CLDN12: variants seen among roughly 807,000 people sequenced by gnomAD.
The protein encoded by CLDN12 is claudin-12.
A neutral mutation model predicts 15.5 loss-of-function variants in CLDN12; 9 were observed. That is an observed-to-expected ratio of 0.58 (90% CI 0.35 to 1.02). CLDN12 has a LOEUF of 1.02. Ranked by LOEUF, CLDN12 falls within the 50% of genes least tolerant of loss-of-function variation. The pLI is 0.02. For missense variants in CLDN12, 233 were observed against 297.3 expected (o/e 0.78, Z 1.59); for synonymous variants, 140 against 121.6 (o/e 1.15, Z -1.00).
In CLDN12 at chr7:90,410,577, T is replaced by C. The variant is rs185772641; in HGVS notation, c.-76-1430T>C. Among the ~76,000 whole-genome samples the C allele has an allele frequency of 2.2e-4, 34 of 152,318 alleles. No individual in the cohort carries two copies. The East Asian group carries it at 5.8e-3, about 26-fold the overall frequency. On this transcript the variant is annotated intron_variant, in intron 2 of 3. Transcript: ENST00000496677. ...AGTTGCTCATGACTATAATCCCAGC[T>C]TGTAATTTCAGCACTTTTGGAGGCC...
chr7:90,404,292 G>C (rs945091843), intron 1 of CLDN12, among the ~76,000 whole-genome samples: 1 of 151,928 alleles, frequency 6.6e-6, no homozygotes, highest in Non-Finnish European at 1.5e-5. Context: ...GAGGGGTTGG[G>C]GGGGACTTGA....
chr7:90,404,528 A>AT (rs569266632), intron 1 of CLDN12, among the ~76,000 whole-genome samples: 27 of 150,176 alleles, frequency 1.8e-4, no homozygotes, highest in South Asian at 4.2e-4. Flanking sequence ...TGGTGGAACT[A>AT]TTTTTTTTTT....
At chr7:90,404,138 AG>A (rs961433849) in intron 1 of CLDN12, among the ~76,000 whole-genome samples, 19 of 152,080 alleles carry the variant, frequency 1.2e-4, no homozygotes, top group Admixed American at 3.9e-4. Context: ...TAGCCACGTT[AG>A]GGAAAGGTCA....
Position 90,414,435 on chromosome 7 carries a change from A to C in CLDN12, c.*1024A>C, listed in dbSNP as rs547044063. 1 of 986,278 alleles carries C rather than the reference A, an allele frequency of 1.0e-6. No homozygotes were observed. The highest frequency in any genetic ancestry group is 1.2e-6 in the Non-Finnish European group (1 of 817,304). The allele number at this position is 986,278 out of a possible 1,614,324, so 61.1% of individuals were successfully genotyped here. On this transcript the variant is annotated 3_prime_UTR_variant, in exon 4 of 4. Transcript: ENST00000496677. The stretch of plus-strand genomic sequence containing the variant: ...TTTCCTTGAGCATATATCTCTGCCT[A>C]ACACTTTAGTAGGTGCTATAGAGGA...
intron 2 of CLDN12, chr7:90,409,226 G>T (rs1796906453): frequency 6.6e-6 from 1 of 152,134 alleles, no homozygotes; most frequent in South Asian, 2.1e-4. Context: ...TTGTTTGTTT[G>T]TTTGTTTGTT....
chr7:90,412,134 G>A (rs973340540), intron 3 of CLDN12, 85 bp downstream of exon 3: 1 of 155,526 alleles, frequency 6.4e-6, no homozygotes, highest in Non-Finnish European at 1.4e-5. Flanking sequence ...CCCCTGTCCT[G>A]TACTGCTTCT....
At chr7:90,404,357 G>A (rs1486002575) in intron 1 of CLDN12, among the ~76,000 whole-genome samples, 2 of 152,058 alleles carry the variant, frequency 1.3e-5, no homozygotes, top group Non-Finnish European at 2.9e-5. Context: ...GATCGTAATA[G>A]GGCTAGTGAT....
rs758236906 is a variant in CLDN12, at chr7:90,412,838, G to A, written c.162G>A (p.Leu54=). The change falls in exon 4 of 4, where the codon CTG becomes CTA. Residue 54 remains leucine (L), a synonymous_variant. Coordinates refer to ENST00000496677, the MANE Select transcript of CLDN12 (RefSeq NM_001185072.3). ...NEKNLTVYTG[L]WVKCARYDGS... ...AGAACCTGACTGTTTACACAGGCCT[G>A]TGGGTGAAATGTGCCCGGTATGACG... is the stretch of plus-strand genomic sequence containing the variant. 5.6e-6 allele frequency: 9 copies of A among 1,614,244 alleles called. No individual in the cohort carries two copies. The highest frequency in any genetic ancestry group is 1.6e-4 in the Middle Eastern group (1 of 6,062).
chr7:90,408,820 A>C (rs1737022648), intron 2 of CLDN12: 1 of 152,226 alleles, frequency 6.6e-6, no homozygotes, highest in Non-Finnish European at 1.5e-5. Flanking sequence ...AATATAGTTA[A>C]AAGCACTTAC....
intron 3 of CLDN12, chr7:90,412,367 TTG>T (rs1491430286): frequency 6.1e-6 from 2 of 329,492 alleles, no homozygotes; most frequent in African/African-American, 4.2e-5. Flanking sequence ...ATTATCTTGG[TTG>T]TTTTTTTAAT....
At chr7:90,410,623 G>A (rs1337945197) in intron 2 of CLDN12, among the ~76,000 whole-genome samples, 1 of 152,084 alleles carries the variant, frequency 6.6e-6, no homozygotes, top group African/African-American at 2.4e-5. Flanking sequence ...GATTGCTTGA[G>A]GCCAGGAGTT....
At chr7:90,404,655 G>C (rs1796797862) in intron 1 of CLDN12, among the ~76,000 whole-genome samples, 1 of 151,976 alleles carries the variant, frequency 6.6e-6, no homozygotes, top group South Asian at 2.1e-4. Context: ...CAAGACAACT[G>C]CACAGTCTTT....
At position 90,414,000 on chromosome 7, in the gene CLDN12, C is replaced by T. The variant is rs1017106; in HGVS notation, c.*589C>T. 0.96 allele frequency: 940,621 copies of T among 975,764 alleles called. 453,505 individuals carry two copies. Among genetic ancestry groups the T allele is most frequent in the East Asian group, 1 (8,586 of 8,606 alleles). The allele number at this position is 975,764 out of a possible 1,614,324, so 60.4% of individuals were successfully genotyped here. ...TGTTTAAAAGTAAAACGTATTTTAA[C>T]GATGTTAGAATAAGACTACCATTCT... On this transcript the variant is annotated 3_prime_UTR_variant, in exon 4 of 4. Coordinates refer to ENST00000496677, the MANE Select transcript of CLDN12 (RefSeq NM_001185072.3).
chr7:90,411,475 A>G (rs1796960746), intron 2 of CLDN12, among the ~76,000 whole-genome samples: 1 of 152,238 alleles, frequency 6.6e-6, no homozygotes, highest in Admixed American at 6.5e-5. Context: ...TTAATTTGGA[A>G]TGAAAGGCCT....
At position 90,414,008 on chromosome 7, in the gene CLDN12, G is replaced by A. The variant is rs1797025017; in HGVS notation, c.*597G>A. ...AGTAAAACGTATTTTAACGATGTTA[G>A]AATAAGACTACCATTCTAAATATCA... is the stretch of plus-strand genomic sequence containing the variant. On this transcript the variant is annotated 3_prime_UTR_variant, in exon 4 of 4. Transcript: ENST00000496677. 3 of 972,380 alleles carry A rather than the reference G, an allele frequency of 3.1e-6. No homozygotes were observed. The highest frequency in any genetic ancestry group is 3.7e-6 in the Non-Finnish European group (3 of 805,526). 60.2% of individuals were successfully genotyped at this position (972,380 alleles called of 1,614,324 possible).
intron 3 of CLDN12, 169 bp from the exon 4 acceptor site, chr7:90,412,475 A>C (rs763311407): frequency 8.8e-6 from 5 of 567,982 alleles, no homozygotes; most frequent in African/African-American, 1.9e-5. Context: ...GAGGTCACAC[A>C]CACCTGCATG....
intron 2 of CLDN12, among the ~76,000 whole-genome samples, chr7:90,408,153 A>G (rs1212607129): frequency 6.6e-6 from 1 of 152,206 alleles, no homozygotes; most frequent in Non-Finnish European, 1.5e-5. Context: ...CCTAATCGGG[A>G]AGTCAGCATT....
chr7:90,407,340 T>G (rs184116277), intron 2 of CLDN12, among the ~76,000 whole-genome samples: 2 of 152,038 alleles, frequency 1.3e-5, no homozygotes, highest in Non-Finnish European at 2.9e-5. Context: ...GGTAAGAAAA[T>G]GAATGTTGTT....
intron 1 of CLDN12, among the ~76,000 whole-genome samples, chr7:90,403,957 GT>G (rs1050709839): frequency 4.2e-5 from 6 of 143,882 alleles, no homozygotes; most frequent in African/African-American, 1.5e-4. Context: ...CTAGTAGGGC[GT>G]TTTCTTCCTT....
Sources: gnomAD v4.1 joint callset for allele counts (sites outside exome capture counted in the v4.1 genomes callset) on GRCh38, gnomAD v4.1.1 for gene constraint, MANE v1.5 for transcripts, NCBI Gene and HGNC (gene_info 2026-07-23, HGNC 2026-07-21) for gene names.